Variants in SLC7A7 observed in about 807,000 individuals in gnomAD.
SLC7A7 encodes the protein solute carrier family 7 member 7.
A neutral mutation model predicts 47.9 loss-of-function variants in SLC7A7; 39 were observed. The ratio of observed to expected loss-of-function variants is 0.81; its 90% CI spans 0.63 to 1.06. The LOEUF is 1.06. Among genes scored for constraint, SLC7A7 ranks in the 50% least tolerant of loss-of-function variants. The pLI is 0.00. For missense variants in SLC7A7, 588 were observed against 632.0 expected (o/e 0.93, Z 0.75); for synonymous variants, 234 against 242.8 (o/e 0.96, Z 0.34).
rs1413443929 is a variant in SLC7A7 at position 22,778,735 on chromosome 14, A to G, written c.770+58T>C. On this transcript the variant is annotated intron_variant, in intron 4 of 9. Transcript: ENST00000674313. Reference sequence around the variant, plus strand: ...TGTGGTATGCTGTCTGGCACGTAGTAGGAGCTCATTAAATGATGGCTATCA... The same window carrying G: ...TGTGGTATGCTGTCTGGCACGTAGTGGGAGCTCATTAAATGATGGCTATCA... 3.2e-6 allele frequency: 5 copies of G among 1,582,684 alleles called. No homozygotes were observed. The African/African-American group carries it at 5.4e-5, about 17-fold the overall frequency.
chr14:22,799,448 C>CTTTTTTTTTTTTTTTTTTTTTTTTTTTCT (rs56375225), intron 2 of SLC7A7, among the ~76,000 whole-genome samples: 1 of 76,170 alleles, frequency 1.3e-5, no homozygotes, highest in Non-Finnish European at 2.3e-5. Context: ...TTTTTTCTTT[C>CTTTTTTTTTTTTTTTTTTTTTTTTTTTCT]TTTTTTTTTT....
At chr14:22,816,520 TAAAAA>T (rs1381075740), upstream of SLC7A7, 4 of 115,730 alleles carry the variant, frequency 3.5e-5, no homozygotes, top group Non-Finnish European at 7.5e-5. Flanking sequence ...AAAAAAAAAT[TAAAAA>T]AGAATATGAG....
At chr14:22,777,171 G>A (rs980593578) in intron 4 of SLC7A7, among the ~76,000 whole-genome samples, 11 of 151,064 alleles carry the variant, frequency 7.3e-5, no homozygotes, top group Non-Finnish European at 1.6e-4. Context: ...AAAAAAGCAG[G>A]GCGGGGGGGA....
intron 2 of SLC7A7, among the ~76,000 whole-genome samples, chr14:22,806,920 C>T (rs756314614): frequency 1.9e-4 from 23 of 121,824 alleles, no homozygotes; most frequent in Non-Finnish European, 3.2e-4. Context: ...TTTTTTGAGA[C>T]GGAGTCTCGC....
chr14:22,806,368 TTG>T (rs1196356832), intron 2 of SLC7A7, among the ~76,000 whole-genome samples: 2 of 151,428 alleles, frequency 1.3e-5, no homozygotes, highest in Non-Finnish European at 2.9e-5. Context: ...GCTAATTTTT[TTG>T]TGTTTTAGTA....
At chr14:22,810,838 C>T (rs12881095) in intron 2 of SLC7A7, among the ~76,000 whole-genome samples, 23,311 of 152,052 alleles carry the variant, frequency 0.15, 2,061 homozygotes, top group South Asian at 0.23. Context: ...ATTAGCCAGG[C>T]GTGGTGGCAC....
intron 2 of SLC7A7, among the ~76,000 whole-genome samples, chr14:22,800,163 A>G (rs1037231426): frequency 6.6e-6 from 1 of 152,202 alleles, no homozygotes; most frequent in Non-Finnish European, 1.5e-5. Context: ...ACATAGAAAA[A>G]CTAATCTTTC....
Position 22,773,354 on chromosome 14 carries a change from C to T in SLC7A7, c.*256G>A, listed in dbSNP as rs1341899155. 5.1e-6 allele frequency: 3 copies of T among 590,008 alleles called. No homozygotes were observed. The highest frequency in any genetic ancestry group is 3.6e-5 in the African/African-American group (2 of 54,796). 36.5% of individuals were successfully genotyped at this position (590,008 alleles called of 1,614,324 possible). The stretch of plus-strand genomic sequence containing the variant: ...AGTAGGTAGGCACACCCAGGTGCTT[C>T]TAAAACAACCAAGCCCAAACCTGAC... On this transcript the variant is annotated 3_prime_UTR_variant, in exon 10 of 10. Transcript: ENST00000674313.
intron 2 of SLC7A7, among the ~76,000 whole-genome samples, chr14:22,811,126 C>T (rs1310437321): frequency 1.3e-5 from 2 of 152,092 alleles, no homozygotes; most frequent in African/African-American, 4.8e-5. Context: ...CACAGAAGGA[C>T]CCCACAGAAG....
chr14:22,815,499 G>A (rs1043768533), upstream of SLC7A7: 1 of 454,460 alleles, frequency 2.2e-6, no homozygotes, highest in South Asian at 1.6e-5. Context: ...AGCCCGCAAA[G>A]GAAGGAGTGA....
At chr14:22,813,640 CAG>C (rs1262642390) in intron 1 of SLC7A7, among the ~76,000 whole-genome samples, 200 bp from the exon 2 acceptor site, 2 of 152,126 alleles carry the variant, frequency 1.3e-5, no homozygotes, top group Non-Finnish European at 2.9e-5. Context: ...TATTTATTGA[CAG>C]AGTCTCGCTC....
intron 3 of SLC7A7, 80 bp from the exon 4 acceptor site, chr14:22,779,017 G>A: frequency 6.4e-7 from 1 of 1,567,496 alleles, no homozygotes. Flanking sequence ...AGGACTGACA[G>A]AATATGGTAA....
rs1166211000 is a variant in SLC7A7 at position 22,773,849 on chromosome 14, G to A, written c.1429+84C>T. The A allele has an allele frequency of 3.7e-5, 59 of 1,581,384 alleles. 1 individual carries two copies. The Admixed American group carries it at 8.7e-4, about 23-fold the overall frequency. On this transcript the variant is annotated intron_variant, in intron 9 of 9. Transcript: ENST00000674313. ...GTTCATAAGAAGGGGCTAAGGCAAA[G>A]ATGTCTTTGGAGGCTGGATTTACAG...
chr14:22,805,405 CAT>C (rs1302105426), intron 2 of SLC7A7, among the ~76,000 whole-genome samples: 1 of 152,070 alleles, frequency 6.6e-6, no homozygotes, highest in Non-Finnish European at 1.5e-5. Context: ...AAATGTGGTA[CAT>C]ATATACCATG....
Position 22,775,876 on chromosome 14 carries a change from A to G in SLC7A7, c.955T>C (p.Ser319Pro). The change falls in exon 6 of 10, where the codon TCC (serine) becomes CCC (proline). Residue 319 changes from serine (S) to proline (P), a missense_variant. Ser to Pro is a moderately conservative substitution (Grantham distance 74). Transcript: ENST00000674313. ...GAGGCATTGAGGCCACCAAAACAGG[A>G]TAATGCAACTGACAGTGGAATTATC... ...NWIIPLSVAL[S>P]CFGGLNASIV... 10 of 1,614,244 alleles carry G rather than the reference A, an allele frequency of 6.2e-6. No homozygotes were observed. The highest frequency in any genetic ancestry group is 7.6e-6 in the Non-Finnish European group (9 of 1,180,034).
chr14:22,808,531 G>A (rs1434415811), intron 2 of SLC7A7, among the ~76,000 whole-genome samples: 2 of 152,130 alleles, frequency 1.3e-5, no homozygotes, highest in Non-Finnish European at 1.5e-5. Flanking sequence ...TGAAGACCAG[G>A]CACAATGGCT....
intron 2 of SLC7A7, among the ~76,000 whole-genome samples, chr14:22,807,063 A>T (rs141909192): frequency 0.027 from 4,152 of 152,026 alleles, 75 homozygotes; most frequent in Non-Finnish European, 0.044. Flanking sequence ...ATGCCCGGCT[A>T]ATTTTTTCTG....
chr14:22,799,145 A>G (rs2039066555), intron 2 of SLC7A7, among the ~76,000 whole-genome samples: 1 of 152,200 alleles, frequency 6.6e-6, no homozygotes, highest in Non-Finnish European at 1.5e-5. Context: ...AAAAGCCACC[A>G]GTGACCTTCA....
rs1290288715 is a variant in SLC7A7 at position 22,774,409 on chromosome 14, A to G, written c.1190T>C (p.Ile397Thr). ...FSYWFFVGLS[I>T]VGQLYLRWKE... ...CCAGCGCAGATAAAGCTGACCCACA[A>G]TAGAAAGCCCCACAAAGAACCAGTA... is the stretch of plus-strand genomic sequence containing the variant. Residue 397 changes from isoleucine to threonine, a missense_variant, in exon 8 of 10, where the codon ATT (isoleucine) becomes ACT (threonine). Physicochemically the swap from Ile to Thr is moderately conservative, Grantham distance 89. Coordinates refer to ENST00000674313, the MANE Select transcript of SLC7A7 (RefSeq NM_003982.4). The G allele has an allele frequency of 1.9e-6, 3 of 1,614,006 alleles. No individual in the cohort carries two copies. Among genetic ancestry groups the G allele is most frequent in the Non-Finnish European group, 2.5e-6 (3 of 1,180,020 alleles).
Sources: allele counts gnomAD v4.1 joint callset (sites outside exome capture counted in the v4.1 genomes callset), GRCh38; gene constraint gnomAD v4.1.1; transcripts MANE v1.5; gene names NCBI Gene and HGNC (gene_info 2026-07-23, HGNC 2026-07-21).